Variants in BBX observed in about 807,000 individuals in gnomAD.
The protein encoded by BBX is BBX high mobility group box domain containing, also known as HMG box transcription factor BBX.
Under a neutral mutation model 100.2 loss-of-function variants are expected in BBX, and 30 were observed. That is an observed-to-expected ratio of 0.30 (90% CI 0.22 to 0.41). BBX has a LOEUF of 0.41. BBX is among the 10% of genes least tolerant of loss of function. The pLI, the probability that BBX is intolerant of heterozygous loss-of-function variation, is 1.00. For missense variants in BBX, 1,023 were observed against 1,129.8 expected (o/e 0.91, Z 1.35); for synonymous variants, 376 against 388.1 (o/e 0.97, Z 0.37).
chr3:107,587,513 C>T (rs1160786767), intron 2 of BBX, among the ~76,000 whole-genome samples: 1 of 152,068 alleles, frequency 6.6e-6, no homozygotes, highest in Non-Finnish European at 1.5e-5. Flanking sequence ...AAAGTTTTTC[C>T]ATTTGCTGGC....
chr3:107,648,092 A>G (rs561197698), intron 3 of BBX, among the ~76,000 whole-genome samples: 54 of 152,316 alleles, frequency 3.5e-4, no homozygotes, highest in African/African-American at 1.2e-3. Context: ...TATCTGCAAA[A>G]TACTATCTGC....
At position 107,728,875 on chromosome 3, in the gene BBX, C is replaced by G; in HGVS notation, c.516C>G (p.Ala172=). 1 of 1,613,946 alleles carries G rather than the reference C, an allele frequency of 6.2e-7. No individual in the cohort carries two copies. The highest frequency in any genetic ancestry group is 8.5e-7 in the Non-Finnish European group (1 of 1,179,876). ...TCAATCCACGAAAGAAACTTTGGGC[C>G]TTCCCATCTGACTCTTCAAGAGACT... ...PTVNPRKKLW[A]FPSDSSRDLP... Residue 172 remains alanine, a synonymous_variant, in exon 6 of 18, where the codon GCC becomes GCG. Transcript: ENST00000325805.
At chr3:107,637,387 C>T (rs2056913088) in intron 2 of BBX, among the ~76,000 whole-genome samples, 1 of 152,194 alleles carries the variant, frequency 6.6e-6, no homozygotes, top group Non-Finnish European at 1.5e-5. Context: ...TGTAGAGGAA[C>T]ACAGGAAGAG....
At chr3:107,560,915 C>T (rs2050445634) in intron 2 of BBX, among the ~76,000 whole-genome samples, 1 of 152,170 alleles carries the variant, frequency 6.6e-6, no homozygotes, top group Non-Finnish European at 1.5e-5. Context: ...AAGGGAGAGA[C>T]TGGATCTTCC....
intron 3 of BBX, among the ~76,000 whole-genome samples, chr3:107,698,651 C>CAA (rs56964193): frequency 2.2e-4 from 29 of 130,756 alleles, no homozygotes; most frequent in Non-Finnish European, 2.6e-4. Flanking sequence ...GACTCCATCT[C>CAA]AAAAAAAAAA....
chr3:107,731,259 A>G (rs1377655696), intron 6 of BBX, among the ~76,000 whole-genome samples: 1 of 152,218 alleles, frequency 6.6e-6, no homozygotes, highest in Non-Finnish European at 1.5e-5. Context: ...TATATAAATT[A>G]TCACGTAATC....
intron 2 of BBX, among the ~76,000 whole-genome samples, chr3:107,573,925 A>G (rs865836565): frequency 2.0e-5 from 3 of 152,078 alleles, no homozygotes; most frequent in Non-Finnish European, 2.9e-5. Flanking sequence ...GGGTTTCTCC[A>G]TGTTGGTCAG....
At chr3:107,584,672 CTTTTTTTTTTTTTTTTTTT>C (rs58393281) in intron 2 of BBX, among the ~76,000 whole-genome samples, 28 of 28,372 alleles carry the variant, frequency 9.9e-4, no homozygotes, top group African/African-American at 2.8e-3. Context: ...CCGTTGAAAT[CTTTTTTTTTTTTTTTTTTT>C]TTTTTTTTTT....
intron 3 of BBX, among the ~76,000 whole-genome samples, chr3:107,683,472 T>C (rs1172201346): frequency 6.6e-6 from 1 of 152,124 alleles, no homozygotes; most frequent in Non-Finnish European, 1.5e-5. Context: ...CAGGGTATTA[T>C]AAGGATTTAT....
At position 107,631,543 on chromosome 3, in the gene BBX, TA is replaced by T. The variant is rs372663965; in HGVS notation, c.-83-14282del. 1.1e-3 allele frequency among the ~76,000 whole-genome samples: 160 copies of T among 148,094 alleles called. 1 individual carries two copies. Among genetic ancestry groups the T allele is most frequent in the East Asian group, 3.2e-3 (16 of 5,032 alleles). On this transcript the variant is annotated intron_variant, in intron 2 of 17. Transcript: ENST00000325805. Reference sequence around the variant, plus strand: ...ACCATTCTCCTTGCTTAGAATTAGTTAAAAAAAAAAACACTAAAAATAAAAA... The same window carrying T: ...ACCATTCTCCTTGCTTAGAATTAGTTAAAAAAAAAACACTAAAAATAAAAA...
rs1272688334 is a variant in BBX at position 107,584,132 on chromosome 3, TTA to T, written c.-84+57742_-84+57743del. Among the ~76,000 whole-genome samples the T allele has an allele frequency of 4.3e-4, 10 of 23,498 alleles. 1 individual carries two copies. Among genetic ancestry groups the T allele is most frequent in the African/African-American group, 1.0e-3 (6 of 5,810 alleles). 15.4% of individuals were successfully genotyped at this position (23,498 alleles called of 152,430 possible). On this transcript the variant is annotated intron_variant, in intron 2 of 17. Transcript: ENST00000325805. ...TATATTATATATAATATATATATTA[TTA>T]TATATATTATATATAATATATGATA...
At chr3:107,553,504 T>C (rs929686022) in intron 2 of BBX, among the ~76,000 whole-genome samples, 4 of 152,178 alleles carry the variant, frequency 2.6e-5, no homozygotes, top group African/African-American at 9.6e-5. Context: ...ACGTATGGGC[T>C]AAAGGACAGA....
intron 3 of BBX, among the ~76,000 whole-genome samples, chr3:107,647,338 A>G (rs927407968): frequency 2.6e-5 from 4 of 152,244 alleles, no homozygotes; most frequent in South Asian, 4.1e-4. Flanking sequence ...CGGACACTTT[A>G]TCTGACCTGT....
At chr3:107,673,039 A>G (rs2059101523) in intron 3 of BBX, among the ~76,000 whole-genome samples, 1 of 152,070 alleles carries the variant, frequency 6.6e-6, no homozygotes, top group African/African-American at 2.4e-5. Context: ...TTGTCTTTCA[A>G]TATGGGAGTT....
chr3:107,534,131 C>T (rs1026367100), intron 2 of BBX, among the ~76,000 whole-genome samples: 1 of 152,152 alleles, frequency 6.6e-6, no homozygotes, highest in Non-Finnish European at 1.5e-5. Flanking sequence ...ACTGTTAATG[C>T]TAAGGAATTG....
intron 3 of BBX, among the ~76,000 whole-genome samples, chr3:107,705,259 T>C (rs1450393715): frequency 6.6e-6 from 1 of 152,188 alleles, no homozygotes; most frequent in Non-Finnish European, 1.5e-5. Flanking sequence ...CTAGCAGTGG[T>C]ATTTAATGGG....
chr3:107,682,719 A>G (rs566906240), intron 3 of BBX, among the ~76,000 whole-genome samples: 97 of 152,152 alleles, frequency 6.4e-4, no homozygotes, highest in Non-Finnish European at 9.4e-4. Context: ...ACTTCTAAAT[A>G]CTGAAACTAT....
chr3:107,800,996 T>C (rs1532325), intron 16 of BBX, 99 bp from the exon 17 acceptor site: 1,120,004 of 1,127,012 alleles, frequency 0.99, 556,794 homozygotes, highest in East Asian at 1. Context: ...TGGTAGAGAA[T>C]GTTAGCTCTT....
At chr3:107,565,175 G>A (rs2050787927) in intron 2 of BBX, among the ~76,000 whole-genome samples, 1 of 151,948 alleles carries the variant, frequency 6.6e-6, no homozygotes, top group Non-Finnish European at 1.5e-5. Context: ...CATATATGTG[G>A]CCACCTTGTA....
Sources: gnomAD v4.1 joint callset for allele counts (sites outside exome capture counted in the v4.1 genomes callset) on GRCh38, gnomAD v4.1.1 for gene constraint, MANE v1.5 for transcripts, NCBI Gene and HGNC (gene_info 2026-07-23, HGNC 2026-07-21) for gene names.